Variants in FARP1 observed in about 807,000 individuals in gnomAD.
FARP1 encodes the protein FERM, ARH/RhoGEF and pleckstrin domain protein 1, also known as FERM, ARHGEF and pleckstrin domain-containing protein 1.
A neutral mutation model predicts 128.8 loss-of-function variants in FARP1; 52 were observed. The ratio of observed to expected loss-of-function variants is 0.40; its 90% CI spans 0.32 to 0.51. The LOEUF (loss-of-function observed/expected upper bound fraction) is 0.51. FARP1 is among the 20% of genes least tolerant of loss of function. The probability of loss-of-function intolerance (pLI) is 0.45; values close to 1 mark genes in which losing one functional copy is unlikely to be tolerated. For synonymous variants in FARP1, 580 were observed against 551.8 expected (o/e 1.05, Z -0.72); for missense variants, 1,333 against 1,367.9 (o/e 0.97, Z 0.40).
At chr13:98,441,310 T>C (rs1892515539) in intron 24 of FARP1, among the ~76,000 whole-genome samples, 1 of 152,220 alleles carries the variant, frequency 6.6e-6, no homozygotes, top group Admixed American at 6.5e-5. Flanking sequence ...CAGACACTCC[T>C]GTGACAAAAG....
intron 1 of FARP1, among the ~76,000 whole-genome samples, chr13:98,162,469 C>A (rs768378632): frequency 6.6e-6 from 1 of 152,126 alleles, no homozygotes; most frequent in Non-Finnish European, 1.5e-5. Flanking sequence ...GTAGTAGGTG[C>A]TCATTAAATC....
At chr13:98,276,404 C>G (rs1280078609) in intron 2 of FARP1, among the ~76,000 whole-genome samples, 2 of 151,828 alleles carry the variant, frequency 1.3e-5, no homozygotes, top group Non-Finnish European at 2.9e-5. Context: ...GTTGTTGATT[C>G]ATAATATTAT....
intron 12 of FARP1, 100 bp downstream of exon 12, chr13:98,393,818 C>A: frequency 1.1e-6 from 1 of 875,034 alleles, no homozygotes; most frequent in Non-Finnish European, 1.9e-6. Context: ...CTGTCCTTTC[C>A]TTTGGGGTTT....
chr13:98,415,641 T>A (rs888668915), intron 16 of FARP1, among the ~76,000 whole-genome samples: 1 of 152,230 alleles, frequency 6.6e-6, no homozygotes, highest in African/African-American at 2.4e-5. Context: ...ACATGTACCA[T>A]CATTGCCTAT....
rs904365012 is a variant in FARP1 at position 98,453,520 on chromosome 13, T to A, written c.*5203T>A. The stretch of plus-strand genomic sequence containing the variant: ...ACGATCAATTGTCAAAAAGTGAACA[T>A]TGATCCATACATGATGACACAGTAA... On this transcript the variant is annotated 3_prime_UTR_variant, in exon 27 of 27. Transcript: ENST00000319562. 1 of 335,390 alleles carries A rather than the reference T, an allele frequency of 3.0e-6. No homozygotes were observed. The highest frequency in any genetic ancestry group is 2.2e-5 in the African/African-American group (1 of 45,862). 20.8% of individuals were successfully genotyped at this position (335,390 alleles called of 1,614,324 possible).
At chr13:98,339,587 A>T (rs1463911943) in intron 2 of FARP1, among the ~76,000 whole-genome samples, 7 of 152,194 alleles carry the variant, frequency 4.6e-5, no homozygotes. Flanking sequence ...GAGTTTCCTT[A>T]CAACCATAGA....
At chr13:98,173,348 A>G (rs79219909) in intron 1 of FARP1, among the ~76,000 whole-genome samples, 1 of 152,280 alleles carries the variant, frequency 6.6e-6, no homozygotes, top group African/African-American at 2.4e-5. Flanking sequence ...AACTCCTTAG[A>G]AGGAATTTTG....
At chr13:98,369,205 G>A (rs1365318228) in intron 5 of FARP1, among the ~76,000 whole-genome samples, 5 of 152,100 alleles carry the variant, frequency 3.3e-5, no homozygotes, top group Non-Finnish European at 7.4e-5. Context: ...GATTATGTGC[G>A]TGAGCCACTG....
intron 2 of FARP1, among the ~76,000 whole-genome samples, chr13:98,281,952 T>A (rs113538893): frequency 8.5e-5 from 13 of 152,176 alleles, no homozygotes; most frequent in Non-Finnish European, 1.8e-4. Context: ...TCTGAATGCA[T>A]CACTTGGCAG....
At position 98,176,868 on chromosome 13, in the gene FARP1, A is replaced by G. The variant is rs1878094712; in HGVS notation, c.-24+33376A>G. 6.2e-7 allele frequency: 1 copy of G among 1,608,934 alleles called. No individual in the cohort carries two copies. The highest frequency in any genetic ancestry group is 8.5e-7 in the Non-Finnish European group (1 of 1,179,916). On this transcript the variant is annotated intron_variant, in intron 1 of 26. Transcript: ENST00000319562. This position sits in a 1 kb window ranked among gnomAD's most constrained non-coding sequence, Gnocchi z 6.2. ...GGCTGCACTTGAGGATGGTCGGCGT[A>G]TGGTGCTCCTTCTCGGTGTCCTGCT...
chr13:98,317,884 T>TTC (rs374052205), intron 2 of FARP1, among the ~76,000 whole-genome samples: 2 of 150,914 alleles, frequency 1.3e-5, no homozygotes, highest in African/African-American at 2.4e-5. Context: ...CCTCCTTTCT[T>TTC]TCTCTCTCTC....
intron 2 of FARP1, among the ~76,000 whole-genome samples, chr13:98,268,765 G>T (rs1449874937): frequency 7.0e-6 from 1 of 143,470 alleles, no homozygotes; most frequent in African/African-American, 2.6e-5. Flanking sequence ...ACTGCATCTG[G>T]CCTTTCCCTT....
intron 8 of FARP1, among the ~76,000 whole-genome samples, chr13:98,386,551 T>C (rs1890106230): frequency 6.6e-6 from 1 of 152,204 alleles, no homozygotes. Flanking sequence ...ATTATATATA[T>C]GTATATCCTG....
intron 8 of FARP1, among the ~76,000 whole-genome samples, chr13:98,387,589 C>A (rs1195097215): frequency 2.0e-5 from 3 of 152,180 alleles, no homozygotes; most frequent in Admixed American, 6.5e-5. Flanking sequence ...CAGAGGAATT[C>A]TAATTTCAGC....
chr13:98,307,995 G>A (rs1886243956), intron 2 of FARP1, among the ~76,000 whole-genome samples: 1 of 115,888 alleles, frequency 8.6e-6, no homozygotes. Context: ...CCCCTGGCCT[G>A]GACTGCCTGC....
intron 2 of FARP1, among the ~76,000 whole-genome samples, chr13:98,214,415 G>T (rs1415811179): frequency 1.3e-5 from 2 of 152,046 alleles, no homozygotes; most frequent in Admixed American, 6.6e-5. Flanking sequence ...GGAGGAGGAA[G>T]ATAACTCTTG....
At chr13:98,404,825 A>G (rs888370188) in intron 13 of FARP1, 5 of 152,198 alleles carry the variant, frequency 3.3e-5, no homozygotes, top group Admixed American at 2.6e-4. Context: ...TGAGAATGCA[A>G]TCAGTAGTCT....
At chr13:98,155,008 T>G (rs1444681162) in intron 1 of FARP1, among the ~76,000 whole-genome samples, 3 of 152,014 alleles carry the variant, frequency 2.0e-5, no homozygotes, top group Non-Finnish European at 4.4e-5. Context: ...GCCCAGGAGT[T>G]CCCAGCCTCA....
chr13:98,216,474 C>T (rs762245455), intron 2 of FARP1, among the ~76,000 whole-genome samples: 17 of 152,206 alleles, frequency 1.1e-4, no homozygotes, highest in African/African-American at 3.9e-4. Flanking sequence ...ACATTTGCCA[C>T]GCAGCTGAGC....
Sources: allele counts gnomAD v4.1 joint callset (sites outside exome capture counted in the v4.1 genomes callset), GRCh38; gene constraint gnomAD v4.1.1; non-coding constraint Gnocchi (gnomAD v3.1); transcripts MANE v1.5; gene names NCBI Gene and HGNC (gene_info 2026-07-23, HGNC 2026-07-21).